LDHAL6A: variants seen among roughly 807,000 people sequenced by gnomAD.
The protein encoded by LDHAL6A is lactate dehydrogenase A like 6A.
LDHAL6A carries 19 observed loss-of-function variants against 28.2 expected under a neutral mutation model. The observed-to-expected ratio is 0.67, with a 90% CI of 0.47 to 0.99. The LOEUF (loss-of-function observed/expected upper bound fraction) is 0.99, where lower values mean the gene tolerates loss of function less well. Among genes scored for constraint, LDHAL6A ranks in the 50% least tolerant of loss-of-function variants. LDHAL6A has a pLI of 0.00. For synonymous variants in LDHAL6A, 144 were observed against 134.4 expected (o/e 1.07, Z -0.49); for missense variants, 372 against 398.6 (o/e 0.93, Z 0.57).
In LDHAL6A at chr11:18,455,893, A is replaced by C. The variant is rs1009040734; in HGVS notation, c.-788A>C. On this transcript the variant is annotated 5_prime_UTR_variant, in exon 1 of 7. Transcript: ENST00000280706. ...ACACCTGCCAAGCATCACACCTGCCAAGCATCACACCTGCCAAGCATCACA... is the reference window on the plus strand; with the variant it reads ...ACACCTGCCAAGCATCACACCTGCCCAGCATCACACCTGCCAAGCATCACA... 1 of 104,160 alleles carries C rather than the reference A, an allele frequency of 9.6e-6. No individual in the cohort carries two copies. The highest frequency in any genetic ancestry group is 1.9e-5 in the Non-Finnish European group (1 of 52,848). The allele number at this position is 104,160 out of a possible 1,614,324, so 6.5% of individuals were successfully genotyped here. A position where few individuals can be genotyped will look rare whatever the true frequency, so the allele number is the denominator to read the frequency against.
At chr11:18,462,834 C>CAAA (rs58380278) in intron 1 of LDHAL6A, among the ~76,000 whole-genome samples, 15 of 147,264 alleles carry the variant, frequency 1.0e-4, no homozygotes, top group African/African-American at 3.2e-4. Flanking sequence ...GACTCCATCT[C>CAAA]AAAAAAAAAC....
rs531455120 is a variant in LDHAL6A at position 18,465,050 on chromosome 11, G to C, written c.245-587G>C. Among the ~76,000 whole-genome samples the C allele has an allele frequency of 3.4e-4, 50 of 147,946 alleles. 1 individual carries two copies. The highest frequency in any genetic ancestry group is 6.8e-3 in the Middle Eastern group (2 of 292). ...TGCTATGTTGGTGCAGGCTGGACTT[G>C]GACTTCTGGGCTCGTGTGTGATCCT... On this transcript the variant is annotated intron_variant, in intron 2 of 6. Coordinates refer to ENST00000280706, the MANE Select transcript of LDHAL6A (RefSeq NM_144972.5).
rs199684689 is a variant in LDHAL6A at position 18,477,760 on chromosome 11, C to A, written c.834+17C>A. ...CTAAGTAAGGTAGGACATTCATGTT[C>A]GAAAAATCATTAACTCAACATAAAA... On this transcript the variant is annotated intron_variant, in intron 6 of 6. Transcript: ENST00000280706. 7.0e-5 allele frequency: 110 copies of A among 1,576,802 alleles called. No individual in the cohort carries two copies. In the Admixed American group the frequency reaches 1.9e-3, roughly 27 times the overall value.
chr11:18,460,029 G>A (rs1433164849), intron 1 of LDHAL6A, among the ~76,000 whole-genome samples: 1 of 152,184 alleles, frequency 6.6e-6, no homozygotes, highest in Non-Finnish European at 1.5e-5. Context: ...GTTGACCTCA[G>A]TTACCTGGCT....
intron 3 of LDHAL6A, among the ~76,000 whole-genome samples, chr11:18,474,804 C>T (rs1290645478): frequency 1.3e-5 from 2 of 152,154 alleles, no homozygotes; most frequent in African/African-American, 4.8e-5. Context: ...TTAGATCAGC[C>T]TGGGCAGCAC....
intron 1 of LDHAL6A, among the ~76,000 whole-genome samples, 181 bp downstream of exon 1, chr11:18,456,987 A>T (rs990366162): frequency 1.3e-5 from 2 of 152,148 alleles, no homozygotes; most frequent in African/African-American, 4.8e-5. Context: ...TAAAAATTGT[A>T]TGATGATATC....
Position 18,465,689 on chromosome 11 carries a change from C to G in LDHAL6A, c.297C>G (p.Arg99=), listed in dbSNP as rs1483280164. Residue 99 remains arginine, a synonymous_variant, in exon 3 of 7, where the codon CGC becomes CGG. Transcript: ENST00000280706. ...SNLVIITAGA[R]QKKGETRLDL... ...TAGTGATTATCACAGCAGGTGCACG[C>G]CAGAAAAAAGGAGAAACACGCCTTG... is the stretch of plus-strand genomic sequence containing the variant. 6.2e-7 allele frequency: 1 copy of G among 1,613,910 alleles called. No homozygotes were observed. Among genetic ancestry groups the G allele is most frequent in the Middle Eastern group, 1.6e-4 (1 of 6,062 alleles).
chr11:18,460,463 T>C (rs951687000), intron 1 of LDHAL6A, among the ~76,000 whole-genome samples: 2 of 151,442 alleles, frequency 1.3e-5, no homozygotes, highest in East Asian at 3.9e-4. Context: ...CACGGTGGCA[T>C]GCATCTGTAA....
chr11:18,474,701 A>T (rs978839261), intron 3 of LDHAL6A, among the ~76,000 whole-genome samples: 21 of 151,930 alleles, frequency 1.4e-4, no homozygotes, highest in Non-Finnish European at 2.9e-4. Flanking sequence ...ATGCTGTTTT[A>T]AAAAAATATA....
At position 18,456,271 on chromosome 11, in the gene LDHAL6A, G is replaced by A. The variant is rs900640690; in HGVS notation, c.-410G>A. 8 of 179,234 alleles carry A rather than the reference G, an allele frequency of 4.5e-5. No individual in the cohort carries two copies. Among genetic ancestry groups the A allele is most frequent in the East Asian group, 1.9e-4 (1 of 5,404 alleles). 11.1% of individuals were successfully genotyped at this position (179,234 alleles called of 1,614,324 possible). ...CCTCTCACCTGGACCTGCGGACCCC[G>A]GGCGCAGTCCTGGAGCTGAGAACTG... On this transcript the variant is annotated 5_prime_UTR_variant, in exon 1 of 7. Coordinates refer to ENST00000280706, the MANE Select transcript of LDHAL6A (RefSeq NM_144972.5).
At chr11:18,457,697 A>G (rs1436646550) in intron 1 of LDHAL6A, among the ~76,000 whole-genome samples, 1 of 152,128 alleles carries the variant, frequency 6.6e-6, no homozygotes, top group African/African-American at 2.4e-5. Flanking sequence ...GTGAAAACCA[A>G]CACATCTGTG....
chr11:18,466,286 A>ATC (rs199805184), intron 3 of LDHAL6A, among the ~76,000 whole-genome samples: 2 of 63,730 alleles, frequency 3.1e-5, no homozygotes, highest in Non-Finnish European at 7.2e-5. Context: ...TAATTCCAGA[A>ATC]TCTCTGTTTT....
rs1848751353 is a variant in LDHAL6A, at chr11:18,456,274, C to T, written c.-407C>T. 5.5e-6 allele frequency: 1 copy of T among 181,396 alleles called. No individual in the cohort carries two copies. The highest frequency in any genetic ancestry group is 1.1e-5 in the Non-Finnish European group (1 of 87,624). 11.2% of individuals were successfully genotyped at this position (181,396 alleles called of 1,614,324 possible). A position where few individuals can be genotyped will look rare whatever the true frequency, so the allele number is the denominator to read the frequency against. ...CTCACCTGGACCTGCGGACCCCGGG[C>T]GCAGTCCTGGAGCTGAGAACTGGAG... On this transcript the variant is annotated 5_prime_UTR_variant, in exon 1 of 7. Transcript: ENST00000280706.
In LDHAL6A at chr11:18,463,976, C is replaced by G; in HGVS notation, c.142C>G (p.Leu48Val). 1 of 1,612,530 alleles carries G rather than the reference C, an allele frequency of 6.2e-7. No homozygotes were observed. Among genetic ancestry groups the G allele is most frequent in the Non-Finnish European group, 8.5e-7 (1 of 1,178,696 alleles). The stretch of plus-strand genomic sequence containing the variant: ...TGTTTTTCAGGGTTTGAGTGATGAA[C>G]TTGTCCTTGTGGATGTTGATGAAGG... ...SILLKGLSDE[L>V]VLVDVDEGKL... The change falls in exon 2 of 7, where the codon CTT (leucine) becomes GTT (valine). Residue 48 changes from leucine (L) to valine (V), a missense_variant. Physicochemically the swap from Leu to Val is conservative, Grantham distance 32. This residue lies in a region of LDHAL6A where 77 missense variants were observed against 77.9 expected (regional missense o/e 0.99). Coordinates refer to ENST00000280706, the MANE Select transcript of LDHAL6A (RefSeq NM_144972.5).
At chr11:18,461,636 G>T (rs1325684766) in intron 1 of LDHAL6A, among the ~76,000 whole-genome samples, 1 of 151,600 alleles carries the variant, frequency 6.6e-6, no homozygotes, top group Non-Finnish European at 1.5e-5. Context: ...AAATCATGAG[G>T]TTAGGAGTTT....
At chr11:18,467,624 G>A (rs1300270002) in intron 3 of LDHAL6A, among the ~76,000 whole-genome samples, 2 of 151,742 alleles carry the variant, frequency 1.3e-5, no homozygotes, top group Non-Finnish European at 2.9e-5. Flanking sequence ...TTTGGGAGCT[G>A]AGCCAGGTGG....
intron 1 of LDHAL6A, among the ~76,000 whole-genome samples, chr11:18,462,492 C>T (rs1848941618): frequency 6.6e-6 from 1 of 151,712 alleles, no homozygotes; most frequent in Non-Finnish European, 1.5e-5. Context: ...AAAAAATTAG[C>T]CAGGTGTGGT....
At chr11:18,468,038 CATATATATACGTATATATATATACATAT>C (rs1849159884) in intron 3 of LDHAL6A, among the ~76,000 whole-genome samples, 2 of 46,086 alleles carry the variant, frequency 4.3e-5, no homozygotes, top group African/African-American at 1.2e-4. Flanking sequence ...TATATATATA[CATATATATACGTATATATATATACATAT>C]ATATATATAT....
rs796410247 is a variant in LDHAL6A at position 18,479,010 on chromosome 11, CTTTT to C, written c.*149_*152del. The C allele has an allele frequency of 3.6e-6, 2 of 558,054 alleles. No individual in the cohort carries two copies. The highest frequency in any genetic ancestry group is 5.8e-6 in the Non-Finnish European group (2 of 342,330). 34.6% of individuals were successfully genotyped at this position (558,054 alleles called of 1,614,324 possible). On this transcript the variant is annotated 3_prime_UTR_variant, in exon 7 of 7. Transcript: ENST00000280706. ...TGACCTATTTAGTATAGCCTTCCAG[CTTTT>C]TTTTTTTTCTTTTTTGGGAGGGTCT...
Sources: allele counts gnomAD v4.1 joint callset (sites outside exome capture counted in the v4.1 genomes callset), GRCh38; gene constraint gnomAD v4.1.1; regional missense constraint gnomAD v4.1.1; transcripts MANE v1.5; gene names NCBI Gene and HGNC (gene_info 2026-07-23, HGNC 2026-07-21).